KLRD1: variants seen among roughly 807,000 people sequenced by gnomAD.
The protein encoded by KLRD1 is natural killer cells antigen CD94.
A neutral mutation model predicts 22.6 loss-of-function variants in KLRD1; 21 were observed. The observed-to-expected ratio is 0.93, with a 90% CI of 0.66 to 1.34. The LOEUF (loss-of-function observed/expected upper bound fraction) is 1.34. Ranked by LOEUF, KLRD1 falls within the 40% of genes most tolerant of loss-of-function variation. The probability of loss-of-function intolerance (pLI) is 0.00; values close to 1 mark genes in which losing one functional copy is unlikely to be tolerated. For missense variants in KLRD1, 183 were observed against 208.6 expected (o/e 0.88, Z 0.76); for synonymous variants, 59 against 71.1 (o/e 0.83, Z 0.85).
At chr12:10,310,180 T>C (rs1163557775) in intron 3 of KLRD1, among the ~76,000 whole-genome samples, 2 of 152,196 alleles carry the variant, frequency 1.3e-5, no homozygotes, top group East Asian at 3.8e-4. Flanking sequence ...GGCACGATCT[T>C]GGCTCACTGC....
intron 1 of KLRD1, among the ~76,000 whole-genome samples, chr12:10,250,330 A>C (rs1199322383): frequency 2.0e-5 from 3 of 151,858 alleles, no homozygotes; most frequent in Non-Finnish European, 4.4e-5. Context: ...CAAAGGCGCC[A>C]GAGCCCTTTC....
At position 10,315,739 on chromosome 12, in the gene KLRD1, T is replaced by TA. The variant is rs2137728984; in HGVS notation, c.*947dup. ...TATCTTCTGTTTTGATTTTAACACT[T>TA]AGAGTGGTTTTCTCTGTTATGAATC... On this transcript the variant is annotated 3_prime_UTR_variant, in exon 6 of 6. Coordinates refer to ENST00000336164, the MANE Select transcript of KLRD1 (RefSeq NM_002262.5). 1 of 152,328 alleles carries TA rather than the reference T, an allele frequency of 6.6e-6. No individual in the cohort carries two copies. The highest frequency in any genetic ancestry group is 2.4e-5 in the African/African-American group (1 of 41,548). 9.4% of individuals were successfully genotyped at this position (152,328 alleles called of 1,614,324 possible).
chr12:10,291,633 A>G (rs1198906187), intron 1 of KLRD1, among the ~76,000 whole-genome samples: 1 of 131,618 alleles, frequency 7.6e-6, no homozygotes, highest in Non-Finnish European at 1.6e-5. Flanking sequence ...TTTTTTTTTA[A>G]TCCTATACTA....
At chr12:10,272,230 G>C (rs966182708) in intron 1 of KLRD1, among the ~76,000 whole-genome samples, 1 of 152,082 alleles carries the variant, frequency 6.6e-6, no homozygotes, top group African/African-American at 2.4e-5. Context: ...ACAACATATT[G>C]CATGTATTCC....
At chr12:10,286,173 T>A (rs534709644) in intron 1 of KLRD1, among the ~76,000 whole-genome samples, 1 of 152,274 alleles carries the variant, frequency 6.6e-6, no homozygotes, top group East Asian at 1.9e-4. Context: ...CGGTGTGATG[T>A]GTCAGCCACA....
chr12:10,240,187 A>G (rs985875252), intron 1 of KLRD1, among the ~76,000 whole-genome samples: 3 of 151,764 alleles, frequency 2.0e-5, no homozygotes, highest in Admixed American at 1.3e-4. Context: ...CAGCCCCCCA[A>G]GTCGCTGGGA....
intron 1 of KLRD1, among the ~76,000 whole-genome samples, chr12:10,277,712 G>T (rs897796745): frequency 2.2e-4 from 33 of 151,986 alleles, no homozygotes; most frequent in African/African-American, 7.2e-4. Context: ...ATACTATTTA[G>T]AAATTATAAT....
chr12:10,310,380 A>G (rs891704596), intron 3 of KLRD1, among the ~76,000 whole-genome samples: 3 of 152,138 alleles, frequency 2.0e-5, no homozygotes, highest in Admixed American at 6.5e-5. Context: ...TCGGCTTCCA[A>G]AGTGTTGGGA....
chr12:10,312,742 C>A (rs1950116370), intron 4 of KLRD1, among the ~76,000 whole-genome samples: 4 of 151,186 alleles, frequency 2.6e-5, no homozygotes, highest in Admixed American at 2.6e-4. Flanking sequence ...GTAATCCCAG[C>A]ACTTTGGGAG....
chr12:10,270,640 G>A (rs1353426752), intron 1 of KLRD1, among the ~76,000 whole-genome samples: 1 of 152,108 alleles, frequency 6.6e-6, no homozygotes, highest in Admixed American at 6.6e-5. Flanking sequence ...GCAGATTTAG[G>A]TGCATCCTGA....
chr12:10,265,052 CCTCT>C (rs1232495481), intron 1 of KLRD1, among the ~76,000 whole-genome samples: 1 of 151,684 alleles, frequency 6.6e-6, no homozygotes. Flanking sequence ...TGAATAATAC[CCTCT>C]CTCTATATAT....
At chr12:10,282,294 T>C (rs1360423139) in intron 1 of KLRD1, among the ~76,000 whole-genome samples, 2 of 152,130 alleles carry the variant, frequency 1.3e-5, no homozygotes, top group East Asian at 3.9e-4. Context: ...TTCACTCTTA[T>C]TGCCCAGGCT....
upstream of KLRD1, among the ~76,000 whole-genome samples, chr12:10,303,289 G>A (rs1465041625): frequency 6.6e-6 from 1 of 152,072 alleles, no homozygotes; most frequent in Non-Finnish European, 1.5e-5. Context: ...TTTTCTTAGT[G>A]TTGGGTTCCA....
intron 1 of KLRD1, among the ~76,000 whole-genome samples, chr12:10,285,559 C>T (rs1370643174): frequency 6.6e-6 from 1 of 152,150 alleles, no homozygotes; most frequent in Non-Finnish European, 1.5e-5. Flanking sequence ...TAATTTTTCA[C>T]ATGGTTTTAT....
intron 1 of KLRD1, among the ~76,000 whole-genome samples, chr12:10,268,203 G>A (rs10845099): frequency 6.6e-6 from 1 of 152,040 alleles, no homozygotes; most frequent in Non-Finnish European, 1.5e-5. Context: ...CAGATGTGGA[G>A]AATTACACTG....
intron 1 of KLRD1, among the ~76,000 whole-genome samples, chr12:10,247,640 A>G (rs894009573): frequency 1.3e-5 from 2 of 152,184 alleles, no homozygotes; most frequent in African/African-American, 4.8e-5. Context: ...ACCAAATCTC[A>G]TCTTGAATTG....
chr12:10,280,101 C>T (rs561846740), intron 1 of KLRD1, among the ~76,000 whole-genome samples: 3 of 152,330 alleles, frequency 2.0e-5, no homozygotes, highest in Non-Finnish European at 2.9e-5. Context: ...ACAATAACAT[C>T]GGTGGTCTAG....
intron 1 of KLRD1, among the ~76,000 whole-genome samples, chr12:10,295,448 ATTTTCAGT>A (rs1949812732): frequency 6.6e-6 from 1 of 152,024 alleles, no homozygotes; most frequent in Admixed American, 6.6e-5. Flanking sequence ...AATTCCAGTC[ATTTTCAGT>A]TAGAGAGTAG....
chr12:10,296,779 C>G (rs918577347), intron 1 of KLRD1, among the ~76,000 whole-genome samples: 13 of 152,110 alleles, frequency 8.5e-5, no homozygotes, highest in African/African-American at 3.1e-4. Context: ...GAAACTTACC[C>G]CCCGGCCCCT....
Sources: gnomAD v4.1 joint callset for allele counts (sites outside exome capture counted in the v4.1 genomes callset) on GRCh38, gnomAD v4.1.1 for gene constraint, MANE v1.5 for transcripts, NCBI Gene and HGNC (gene_info 2026-07-23, HGNC 2026-07-21) for gene names.